Variants in PRDM2 observed in about 807,000 individuals in gnomAD.
PRDM2 encodes the protein PR domain zinc finger protein 2.
A neutral mutation model predicts 130.0 loss-of-function variants in PRDM2; 30 were observed. The ratio of observed to expected loss-of-function variants is 0.23; its 90% CI spans 0.17 to 0.31. The LOEUF is 0.31. Among genes scored for constraint, PRDM2 ranks in the 10% least tolerant of loss-of-function variants. The pLI, the probability that PRDM2 is intolerant of heterozygous loss-of-function variation, is 1.00. For synonymous variants in PRDM2, 871 were observed against 782.4 expected (o/e 1.11, Z -1.89); for missense variants, 2,011 against 2,108.4 (o/e 0.95, Z 0.90).
At chr1:13,763,517 A>T (rs1644152663) in intron 6 of PRDM2, among the ~76,000 whole-genome samples, 1 of 152,094 alleles carries the variant, frequency 6.6e-6, no homozygotes, top group South Asian at 2.1e-4. Flanking sequence ...GGTTTTCCTG[A>T]GTTTTATGGG....
intron 3 of PRDM2, among the ~76,000 whole-genome samples, chr1:13,732,446 T>C (rs908202085): frequency 1.3e-5 from 2 of 152,214 alleles, no homozygotes; most frequent in South Asian, 2.1e-4. Flanking sequence ...CCAATATTTT[T>C]TCTCTTCAGT....
chr1:13,764,113 A>G (rs1189428075), intron 6 of PRDM2, among the ~76,000 whole-genome samples: 1 of 152,212 alleles, frequency 6.6e-6, no homozygotes, highest in Non-Finnish European at 1.5e-5. Context: ...AGGGGGAAAC[A>G]TGATTTTCTT....
chr1:13,785,030 T>C (rs1461349313), intron 8 of PRDM2, among the ~76,000 whole-genome samples: 1 of 152,214 alleles, frequency 6.6e-6, no homozygotes, highest in Non-Finnish European at 1.5e-5. Context: ...TAGTACTTTG[T>C]AGTGAGTTTA....
At chr1:13,748,198 G>GT (rs907678434) in intron 5 of PRDM2, among the ~76,000 whole-genome samples, 3 of 152,020 alleles carry the variant, frequency 2.0e-5, no homozygotes, top group African/African-American at 7.2e-5. Flanking sequence ...CAAAAGTGTT[G>GT]TTTTTTTTCT....
intron 2 of PRDM2, among the ~76,000 whole-genome samples, chr1:13,726,529 G>A (rs1642921896): frequency 6.6e-6 from 1 of 152,204 alleles, no homozygotes; most frequent in African/African-American, 2.4e-5. Flanking sequence ...GTTAATGACT[G>A]ACGGATGGGC....
chr1:13,824,612 T>C lies in PRDM2; in HGVS notation c.*1477T>C, dbSNP rs1157792724. 1 of 152,172 alleles carries C rather than the reference T, an allele frequency of 6.6e-6. No homozygotes were observed. Among genetic ancestry groups the C allele is most frequent in the Non-Finnish European group, 1.5e-5 (1 of 68,022 alleles). 9.4% of individuals were successfully genotyped at this position (152,172 alleles called of 1,614,324 possible). On this transcript the variant is annotated 3_prime_UTR_variant, in exon 10 of 10. Coordinates refer to ENST00000311066, the MANE Select transcript of PRDM2 (RefSeq NM_001393986.1). ...CTGTTTCCCACCCAGCTAAAAACCG[T>C]TGTTTGCTTTAAATTTTCATAAACT... is the stretch of plus-strand genomic sequence containing the variant.
In PRDM2 at chr1:13,823,269, G is replaced by GC. The variant is rs1645382313; in HGVS notation, c.*135dup. The GC allele has an allele frequency of 2.0e-6, 3 of 1,467,500 alleles. No individual in the cohort carries two copies. The highest frequency in any genetic ancestry group is 1.8e-5 in the Admixed American group (1 of 56,852). 90.9% of individuals were successfully genotyped at this position (1,467,500 alleles called of 1,614,324 possible). ...GCTGCGAGAGAAAGGGAGTGCATGT[G>GC]CGCGCGTGCATGTGTGCGTGCGTGT... On this transcript the variant is annotated 3_prime_UTR_variant, in exon 10 of 10. Coordinates refer to ENST00000311066, the MANE Select transcript of PRDM2 (RefSeq NM_001393986.1).
chr1:13,780,103 T>C lies in PRDM2; in HGVS notation c.2308T>C (p.Ser770Pro), dbSNP rs1644573403. Reference sequence around the variant, plus strand: ...AGCATGGACCGATGCCGGGCTGACTTCCAAAAAATCCAAATTAGAAAGTCA... The same window carrying C: ...AGCATGGACCGATGCCGGGCTGACTCCCAAAAAATCCAAATTAGAAAGTCA... ...KAAWTDAGLT[S>P]KKSKLESHSD... The change falls in exon 8 of 10, where the codon TCC becomes CCC. Residue 770 changes from serine to proline, a missense_variant. This residue lies in a region of PRDM2 where 1,288 missense variants were observed against 1,237.7 expected (regional missense o/e 1.04). Coordinates refer to ENST00000311066, the MANE Select transcript of PRDM2 (RefSeq NM_001393986.1). 6.2e-7 allele frequency: 1 copy of C among 1,611,978 alleles called. No homozygotes were observed. The highest frequency in any genetic ancestry group is 8.5e-7 in the Non-Finnish European group (1 of 1,178,730).
chr1:13,805,196 T>C (rs1439283432), intron 8 of PRDM2, among the ~76,000 whole-genome samples: 7 of 152,126 alleles, frequency 4.6e-5, no homozygotes, highest in Non-Finnish European at 8.8e-5. Flanking sequence ...CAGTGGATGA[T>C]GCGATGATGT....
chr1:13,729,177 A>C (rs1186273770), intron 2 of PRDM2, among the ~76,000 whole-genome samples: 1 of 152,212 alleles, frequency 6.6e-6, no homozygotes, highest in Non-Finnish European at 1.5e-5. Context: ...CATGTAAGAC[A>C]GCACAGTGCC....
intron 1 of PRDM2, among the ~76,000 whole-genome samples, 154 bp downstream of exon 1, chr1:13,700,454 G>A (rs970171133): frequency 6.7e-6 from 1 of 150,038 alleles, no homozygotes; most frequent in African/African-American, 2.4e-5. Flanking sequence ...CAGAGGTCCC[G>A]GGCGTGCCGG....
At chr1:13,728,311 C>A (rs1250758651) in intron 2 of PRDM2, among the ~76,000 whole-genome samples, 1 of 152,194 alleles carries the variant, frequency 6.6e-6, no homozygotes, top group East Asian at 1.9e-4. Context: ...AGTAAACACA[C>A]AGCTATACAA....
chr1:13,768,083 T>TG (rs1356671838), intron 6 of PRDM2, among the ~76,000 whole-genome samples: 1 of 148,308 alleles, frequency 6.7e-6, no homozygotes, highest in East Asian at 2.0e-4. Context: ...AGTTTTTTTT[T>TG]TTTTTTTTTT....
intron 1 of PRDM2, among the ~76,000 whole-genome samples, chr1:13,711,839 C>T (rs923989624): frequency 6.6e-6 from 1 of 151,958 alleles, no homozygotes; most frequent in Admixed American, 6.5e-5. Flanking sequence ...GAGGCTCTCC[C>T]CACACAGATA....
chr1:13,757,161 T>C (rs979055989), intron 6 of PRDM2, among the ~76,000 whole-genome samples: 1 of 152,374 alleles, frequency 6.6e-6, no homozygotes, highest in African/African-American at 2.4e-5. Flanking sequence ...GGTGACACCT[T>C]CAGCTGTTTT....
chr1:13,820,341 C>A (rs1434972444), intron 9 of PRDM2, among the ~76,000 whole-genome samples: 1 of 152,244 alleles, frequency 6.6e-6, no homozygotes, highest in Non-Finnish European at 1.5e-5. Context: ...TGGTTTCTGG[C>A]AAGCCCTGCC....
chr1:13,779,781 T>G lies in PRDM2; in HGVS notation c.1986T>G (p.Ser662=), dbSNP rs1361790984. The change falls in exon 8 of 10, where the codon TCT becomes TCG. Residue 662 remains serine, a synonymous_variant. Transcript: ENST00000311066. The surrounding 1 kb of genome is among the most constrained non-coding windows in gnomAD (Gnocchi z 4.9). The part of the protein sequence containing the change: ...AETDSDPMVP[S]CSLSLPLSIS... ...CAGACTCTGACCCCATGGTCCCCTCTTGCTCTTTAAGTCTTCCTCTTAGCA... is the reference window on the plus strand; with the variant it reads ...CAGACTCTGACCCCATGGTCCCCTCGTGCTCTTTAAGTCTTCCTCTTAGCA... The G allele has an allele frequency of 6.2e-7, 1 of 1,614,104 alleles. No individual in the cohort carries two copies. Among genetic ancestry groups the G allele is most frequent in the Non-Finnish European group, 8.5e-7 (1 of 1,180,044 alleles).
chr1:13,766,447 T>C (rs1644228894), intron 6 of PRDM2, among the ~76,000 whole-genome samples: 2 of 152,328 alleles, frequency 1.3e-5, no homozygotes, highest in African/African-American at 2.4e-5. Flanking sequence ...TTTGTAATTA[T>C]GGTATTAGTG....
chr1:13,772,741 A>G (rs1395423810), intron 6 of PRDM2, among the ~76,000 whole-genome samples: 1 of 152,198 alleles, frequency 6.6e-6, no homozygotes, highest in Non-Finnish European at 1.5e-5. Context: ...ATTCAATGCT[A>G]TTACTAATTT....
Sources: gnomAD v4.1 joint callset for allele counts (sites outside exome capture counted in the v4.1 genomes callset) on GRCh38, gnomAD v4.1.1 for gene constraint, gnomAD v4.1.1 regional missense constraint, Gnocchi (gnomAD v3.1) non-coding constraint, MANE v1.5 for transcripts, NCBI Gene and HGNC (gene_info 2026-07-23, HGNC 2026-07-21) for gene names.